Variants in TULP4 observed in about 807,000 individuals in gnomAD.
TULP4 encodes the protein tubby-related protein 4.
A neutral mutation model predicts 129.0 loss-of-function variants in TULP4; 16 were observed. The ratio of observed to expected loss-of-function variants is 0.12; its 90% CI spans 0.08 to 0.19. The LOEUF (loss-of-function observed/expected upper bound fraction) is 0.19. Ranked by LOEUF, TULP4 falls within the 10% of genes least tolerant of loss-of-function variation. TULP4 has a pLI of 1.00. For synonymous variants in TULP4, 998 were observed against 854.0 expected (o/e 1.17, Z -2.94); for missense variants, 1,842 against 2,059.1 (o/e 0.89, Z 2.04).
upstream of TULP4, among the ~76,000 whole-genome samples, chr6:158,280,973 C>T (rs1778738573): frequency 6.6e-6 from 1 of 152,086 alleles, no homozygotes; most frequent in South Asian, 2.1e-4. Context: ...AGATACCTTA[C>T]ATTAAACGTG....
At chr6:158,421,157 C>G (rs530491052) in intron 2 of TULP4, among the ~76,000 whole-genome samples, 6 of 152,138 alleles carry the variant, frequency 3.9e-5, no homozygotes, top group South Asian at 2.1e-4. Context: ...GTCAAGAGAT[C>G]AAGACCATCC....
At chr6:158,232,289 C>G (rs947731397) in exon 1 of TULP4, 1 of 148,138 alleles carries the variant, frequency 6.8e-6, no homozygotes, top group Non-Finnish European at 1.5e-5. Context: ...GGGCTGCCGC[C>G]ACGGCCGCCC....
intron 1 of TULP4, among the ~76,000 whole-genome samples, chr6:158,271,876 T>G (rs974668354): frequency 6.6e-6 from 1 of 152,226 alleles, no homozygotes; most frequent in Non-Finnish European, 1.5e-5. Context: ...ATGCTACGTT[T>G]GAAAATCTGT....
At chr6:158,421,905 A>G (rs148121445) in intron 2 of TULP4, among the ~76,000 whole-genome samples, 2,132 of 152,308 alleles carry the variant, frequency 0.014, 25 homozygotes, top group Non-Finnish European at 0.02. Context: ...CCCCTTAGAT[A>G]GGAATTTGGG....
chr6:158,496,629 C>G (rs946882306), intron 11 of TULP4, among the ~76,000 whole-genome samples: 2 of 152,172 alleles, frequency 1.3e-5, no homozygotes, highest in Admixed American at 1.3e-4. Flanking sequence ...TTAGATAAGG[C>G]TGATTTTTAA....
At chr6:158,268,193 A>G (rs1272410750) in intron 1 of TULP4, among the ~76,000 whole-genome samples, 3 of 149,824 alleles carry the variant, frequency 2.0e-5, no homozygotes, top group Non-Finnish European at 3.0e-5. Context: ...GCACCACCAC[A>G]CTTGGCTAAT....
chr6:158,248,017 A>G (rs1778058872), intron 1 of TULP4, among the ~76,000 whole-genome samples: 1 of 152,238 alleles, frequency 6.6e-6, no homozygotes, highest in African/African-American at 2.4e-5. Context: ...ATAAGAAGTT[A>G]GGCTTCTGCT....
At chr6:158,382,667 G>T (rs540693974) in intron 1 of TULP4, among the ~76,000 whole-genome samples, 1 of 152,320 alleles carries the variant, frequency 6.6e-6, no homozygotes, top group Non-Finnish European at 1.5e-5. Flanking sequence ...CAGGTGTGTA[G>T]TAAGGATGAA....
rs528045012 is a variant in TULP4, at chr6:158,366,150, A to T, written c.253-46915A>T. ...GATCTCCTGATGTCGTGATCTGCCCACCTTGACCTCCCAAAGTGCTGGGAT... is the reference window on the plus strand; with the variant it reads ...GATCTCCTGATGTCGTGATCTGCCCTCCTTGACCTCCCAAAGTGCTGGGAT... On this transcript the variant is annotated intron_variant, in intron 1 of 13. Transcript: ENST00000367097. 2.0e-5 allele frequency among the ~76,000 whole-genome samples: 3 copies of T among 149,088 alleles called. No individual in the cohort carries two copies. The South Asian group carries it at 6.4e-4, about 32-fold the overall frequency.
intron 1 of TULP4, among the ~76,000 whole-genome samples, chr6:158,301,786 CA>C (rs1387737161): frequency 3.9e-5 from 6 of 152,172 alleles, no homozygotes; most frequent in Admixed American, 3.3e-4. Context: ...AGTGAAGCCT[CA>C]GGGGTGAAAG....
At chr6:158,304,956 T>G (rs1025264399) in intron 1 of TULP4, among the ~76,000 whole-genome samples, 1 of 152,144 alleles carries the variant, frequency 6.6e-6, no homozygotes, top group Non-Finnish European at 1.5e-5. Flanking sequence ...TGTGAGCCAC[T>G]GTGCCCAGCC....
chr6:158,278,756 C>T (rs1778688932), upstream of TULP4, among the ~76,000 whole-genome samples: 1 of 151,992 alleles, frequency 6.6e-6, no homozygotes, highest in African/African-American at 2.4e-5. Context: ...CTTTAAGCAT[C>T]TTATTGAACA....
chr6:158,274,755 C>T (rs945327100), intron 1 of TULP4, among the ~76,000 whole-genome samples: 10 of 152,182 alleles, frequency 6.6e-5, no homozygotes, highest in Non-Finnish European at 1.5e-4. Context: ...CCAGCCTGGG[C>T]AACAGAGCGA....
intron 2 of TULP4, among the ~76,000 whole-genome samples, chr6:158,422,929 G>A (rs1034782630): frequency 2.0e-5 from 3 of 152,228 alleles, no homozygotes; most frequent in Admixed American, 6.5e-5. Flanking sequence ...CGCCCGAATC[G>A]CCATGTTGGA....
Position 158,317,689 on chromosome 6 carries a change from G to A in TULP4, c.252+3421G>A, listed in dbSNP as rs572670806. Among the ~76,000 whole-genome samples, 6 of 152,328 alleles carry A rather than the reference G, an allele frequency of 3.9e-5. No homozygotes were observed. In the South Asian group the frequency reaches 6.2e-4, roughly 16 times the overall value. ...TATATACCCAGTAATGGGATGGCTG[G>A]ATCAAATGGTATTTCTAGTTCTAGA... On this transcript the variant is annotated intron_variant, in intron 1 of 13. Transcript: ENST00000367097.
At chr6:158,328,111 T>C (rs1779788172) in intron 1 of TULP4, among the ~76,000 whole-genome samples, 1 of 75,362 alleles carries the variant, frequency 1.3e-5, no homozygotes, top group South Asian at 4.3e-4. Flanking sequence ...TGTGTGTGTG[T>C]GTGTGTGTGT....
chr6:158,399,105 C>T (rs531648933), intron 1 of TULP4, among the ~76,000 whole-genome samples: 61 of 152,210 alleles, frequency 4.0e-4, no homozygotes, highest in Non-Finnish European at 7.1e-4. Flanking sequence ...AGATTAAATC[C>T]TAATGTAGTG....
intron 1 of TULP4, among the ~76,000 whole-genome samples, chr6:158,358,306 GT>G (rs1455324679): frequency 6.6e-6 from 1 of 152,196 alleles, no homozygotes; most frequent in Non-Finnish European, 1.5e-5. Flanking sequence ...GATTCTGTGT[GT>G]AAATTTTAAG....
intron 3 of TULP4, among the ~76,000 whole-genome samples, chr6:158,447,959 C>T (rs1779088802): frequency 6.6e-6 from 1 of 152,226 alleles, no homozygotes; most frequent in Non-Finnish European, 1.5e-5. Flanking sequence ...GAGACCATCA[C>T]ACAAAGCAGA....
Sources: allele counts gnomAD v4.1 joint callset (sites outside exome capture counted in the v4.1 genomes callset), GRCh38; gene constraint gnomAD v4.1.1; transcripts MANE v1.5; gene names NCBI Gene and HGNC (gene_info 2026-07-23, HGNC 2026-07-21).